SNTG1: variants seen among roughly 807,000 people sequenced by gnomAD.
The protein encoded by SNTG1 is syntrophin gamma 1, also known as gamma-1-syntrophin.
A neutral mutation model predicts 74.7 loss-of-function variants in SNTG1; 39 were observed. The observed-to-expected ratio is 0.52, with a 90% CI of 0.40 to 0.68. The LOEUF is 0.68. Among genes scored for constraint, SNTG1 ranks in the 30% least tolerant of loss-of-function variants. The pLI, the probability that SNTG1 is intolerant of heterozygous loss-of-function variation, is 0.00. For synonymous variants in SNTG1, 254 were observed against 217.1 expected (o/e 1.17, Z -1.49); for missense variants, 685 against 609.5 (o/e 1.12, Z -1.30).
chr8:50,562,148 T>G (rs2094492290), intron 12 of SNTG1, among the ~76,000 whole-genome samples: 1 of 152,242 alleles, frequency 6.6e-6, no homozygotes, highest in East Asian at 1.9e-4. Context: ...TGGTTTCATC[T>G]TATAAGATTT....
At chr8:50,706,907 A>G (rs1480317769) in intron 16 of SNTG1, among the ~76,000 whole-genome samples, 1 of 152,078 alleles carries the variant, frequency 6.6e-6, no homozygotes, top group Non-Finnish European at 1.5e-5. Flanking sequence ...AAAAAAATTA[A>G]TGAATTGACT....
At chr8:50,116,176 A>C (rs1030005482) in intron 1 of SNTG1, among the ~76,000 whole-genome samples, 1 of 152,192 alleles carries the variant, frequency 6.6e-6, no homozygotes, top group Admixed American at 6.5e-5. Flanking sequence ...GACTTCCAAC[A>C]GTTAAATTGT....
intron 13 of SNTG1, among the ~76,000 whole-genome samples, chr8:50,649,912 G>A (rs2095134264): frequency 6.6e-6 from 1 of 151,136 alleles, no homozygotes; most frequent in Non-Finnish European, 1.5e-5. Flanking sequence ...AAAGTTTTGT[G>A]TTTTCTATAT....
intron 1 of SNTG1, among the ~76,000 whole-genome samples, chr8:49,950,746 C>T (rs1809627200): frequency 6.6e-6 from 1 of 152,112 alleles, no homozygotes; most frequent in Non-Finnish European, 1.5e-5. Context: ...AACGTCTAGG[C>T]AGCTGGCTTT....
chr8:50,530,049 A>T, intron 9 of SNTG1, 128 bp from the exon 10 acceptor site: 2 of 766,022 alleles, frequency 2.6e-6, no homozygotes. Flanking sequence ...TATAACTGAG[A>T]TAAAATTGTA....
chr8:50,518,763 C>A (rs310568), intron 9 of SNTG1, among the ~76,000 whole-genome samples: 1,660 of 151,980 alleles, frequency 0.011, 27 homozygotes, highest in African/African-American at 0.037. Context: ...AGGAGGATGT[C>A]GAATCCTTGA....
chr8:50,779,836 G>T (rs1046070333), intron 18 of SNTG1, among the ~76,000 whole-genome samples: 1 of 151,944 alleles, frequency 6.6e-6, no homozygotes, highest in Non-Finnish European at 1.5e-5. Flanking sequence ...ATTGGCTGTG[G>T]GTTTGTCACA....
chr8:50,194,825 G>A (rs75633331), intron 2 of SNTG1, among the ~76,000 whole-genome samples: 7,321 of 151,840 alleles, frequency 0.048, 209 homozygotes, highest in Middle Eastern at 0.1. Flanking sequence ...TTTCCTCTTG[G>A]CACCGCCTTT....
intron 4 of SNTG1, among the ~76,000 whole-genome samples, chr8:50,413,924 A>G (rs1424489644): frequency 2.0e-5 from 3 of 152,052 alleles, no homozygotes; most frequent in Admixed American, 2.0e-4. Flanking sequence ...ATCCTATTTT[A>G]TATTTGCCTC....
chr8:50,733,072 A>G (rs1046218154), intron 17 of SNTG1, among the ~76,000 whole-genome samples: 4 of 151,876 alleles, frequency 2.6e-5, no homozygotes, highest in Non-Finnish European at 4.4e-5. Flanking sequence ...CAGTTTTTCA[A>G]CAGACAACCC....
intron 1 of SNTG1, among the ~76,000 whole-genome samples, chr8:50,098,702 A>T (rs1271904440): frequency 6.6e-6 from 1 of 152,138 alleles, no homozygotes; most frequent in Non-Finnish European, 1.5e-5. Context: ...TCCATATAAG[A>T]TGTGATCTTG....
Position 50,140,019 on chromosome 8 carries a change from G to A in SNTG1, c.-102-32542G>A, listed in dbSNP as rs138045908. Among the ~76,000 whole-genome samples the A allele has an allele frequency of 3.2e-3, 487 of 152,290 alleles. 2 individuals carry two copies. Among genetic ancestry groups the A allele is most frequent in the Admixed American group, 5.2e-3 (79 of 15,290 alleles). ...TGTTTTATATTGCAAAGAAAACAAT[G>A]CAAAAATTAAAATAAGTGCTGGAGT... On this transcript the variant is annotated intron_variant, in intron 1 of 18. Transcript: ENST00000642720.
intron 4 of SNTG1, among the ~76,000 whole-genome samples, chr8:50,407,430 A>G (rs773514596): frequency 7.9e-5 from 12 of 152,216 alleles, no homozygotes; most frequent in Non-Finnish European, 1.3e-4. Flanking sequence ...GCTATCAGGC[A>G]GTTTACTCAT....
At chr8:50,429,264 C>T (rs114781886) in intron 4 of SNTG1, among the ~76,000 whole-genome samples, 2 of 151,886 alleles carry the variant, frequency 1.3e-5, no homozygotes, top group African/African-American at 2.4e-5. Flanking sequence ...AGACAGTAAT[C>T]TAAGGTGGTA....
rs554272855 is a variant in SNTG1, at chr8:50,690,843, TG to T, written c.1039-13753del. Among the ~76,000 whole-genome samples the T allele has an allele frequency of 3.5e-3, 530 of 152,220 alleles. 6 individuals are homozygous for T. The highest frequency in any genetic ancestry group is 0.012 in the African/African-American group (510 of 41,520). On this transcript the variant is annotated intron_variant, in intron 15 of 18. Coordinates refer to ENST00000642720, the MANE Select transcript of SNTG1 (RefSeq NM_018967.5). Reference sequence around the variant, plus strand: ...TCGTTGATCTGCCTAATGTTGACAGTGGGGTGTTAAAGTCTCCCGTTATTAT... The same window carrying T: ...TCGTTGATCTGCCTAATGTTGACAGTGGGTGTTAAAGTCTCCCGTTATTAT...
In SNTG1 at chr8:50,367,498, G is replaced by T. The variant is rs200632158; in HGVS notation, c.-27-26714G>T. 4.6e-5 allele frequency among the ~76,000 whole-genome samples: 7 copies of T among 152,138 alleles called. No homozygotes were observed. The East Asian group carries it at 1.4e-3, about 29-fold the overall frequency. On this transcript the variant is annotated intron_variant, in intron 2 of 18. Coordinates refer to ENST00000642720, the MANE Select transcript of SNTG1 (RefSeq NM_018967.5). ...TTTTTTATTTTTTATGTTAGTGAGA[G>T]AAATATGTGTTTACTTACATAGTCT...
chr8:50,652,383 T>C (rs1161877465), intron 13 of SNTG1, among the ~76,000 whole-genome samples: 1 of 152,214 alleles, frequency 6.6e-6, no homozygotes, highest in Admixed American at 6.5e-5. Flanking sequence ...TATGGCTTGA[T>C]GGATTTTTAA....
intron 12 of SNTG1, among the ~76,000 whole-genome samples, chr8:50,573,372 C>T (rs1331426372): frequency 2.6e-5 from 4 of 151,874 alleles, no homozygotes; most frequent in Non-Finnish European, 4.4e-5. Flanking sequence ...TAATTCCAAG[C>T]AGATCTTTAT....
chr8:50,540,501 T>C (rs1563545708), intron 11 of SNTG1, among the ~76,000 whole-genome samples: 1 of 152,166 alleles, frequency 6.6e-6, no homozygotes, highest in Non-Finnish European at 1.5e-5. Flanking sequence ...CGTATTTCAA[T>C]TAGGTCATAT....
Sources: allele counts gnomAD v4.1 joint callset (sites outside exome capture counted in the v4.1 genomes callset), GRCh38; gene constraint gnomAD v4.1.1; transcripts MANE v1.5; gene names NCBI Gene and HGNC (gene_info 2026-07-23, HGNC 2026-07-21).